The following GALNTL6 variants were observed in gnomAD, a reference collection of about 807,000 sequenced individuals.
The protein encoded by GALNTL6 is polypeptide N-acetylgalactosaminyltransferase like 6, also known as polypeptide N-acetylgalactosaminyltransferase-like 6.
In GALNTL6, 46 loss-of-function variants were observed where a neutral mutation model predicts 73.7. The observed-to-expected ratio is 0.62, with a 90% CI of 0.49 to 0.80. The LOEUF is 0.80. Among genes scored for constraint, GALNTL6 ranks in the 30% least tolerant of loss-of-function variants. The pLI is 0.00. For synonymous variants in GALNTL6, 259 were observed against 263.7 expected (o/e 0.98, Z 0.17); for missense variants, 604 against 755.0 (o/e 0.80, Z 2.34).
In GALNTL6 at chr4:172,311,683, A is replaced by G; in HGVS notation, c.317A>G (p.Asn106Ser). ...CATGATGACTCAGCTTACAGGGAAA[A>G]TGGTTTTAATATTTTCGTCAGCAAC... ...EDHDDSAYRE[N>S]GFNIFVSNNI... The change falls in exon 4 of 13, where the codon AAT becomes AGT. Residue 106 changes from asparagine (N) to serine (S), a missense_variant. Physicochemically the swap from Asn to Ser is conservative, Grantham distance 46. Coordinates refer to ENST00000506823, the MANE Select transcript of GALNTL6 (RefSeq NM_001034845.3). The G allele has an allele frequency of 6.2e-7, 1 of 1,611,956 alleles. No homozygotes were observed. The highest frequency in any genetic ancestry group is 8.5e-7 in the Non-Finnish European group (1 of 1,178,584).
intron 2 of GALNTL6, among the ~76,000 whole-genome samples, chr4:172,182,153 T>A (rs549955122): frequency 1.3e-5 from 2 of 152,296 alleles, no homozygotes; most frequent in South Asian, 2.1e-4. Flanking sequence ...TGAACTCCCA[T>A]TCACAATTTC....
chr4:172,580,920 C>T (rs985404034), intron 5 of GALNTL6, among the ~76,000 whole-genome samples: 4 of 152,162 alleles, frequency 2.6e-5, no homozygotes, highest in Non-Finnish European at 5.9e-5. Context: ...TGCCACCACA[C>T]CCGGCTAATT....
At chr4:172,524,778 C>T (rs1346287081) in intron 5 of GALNTL6, among the ~76,000 whole-genome samples, 3 of 152,154 alleles carry the variant, frequency 2.0e-5, no homozygotes, top group Non-Finnish European at 4.4e-5. Flanking sequence ...AAATAAAGTT[C>T]TAAAATTGCA....
intron 4 of GALNTL6, among the ~76,000 whole-genome samples, chr4:172,339,918 A>G (rs896778057): frequency 5.3e-5 from 8 of 152,058 alleles, no homozygotes; most frequent in African/African-American, 1.7e-4. Flanking sequence ...AGTTCACAGC[A>G]TTGATCTTTA....
intron 2 of GALNTL6, among the ~76,000 whole-genome samples, chr4:172,146,001 T>C (rs1409328655): frequency 6.6e-6 from 1 of 152,192 alleles, no homozygotes; most frequent in East Asian, 1.9e-4. Context: ...AGAATCATTT[T>C]AAACAAGGTC....
Position 172,337,298 on chromosome 4 carries a change from G to A in GALNTL6, c.387-11225G>A, listed in dbSNP as rs200817462. ...ACCATGTACATTCAAGGTTAATGAT[G>A]ATATGTGAGGTTTTAATTCTATTGT... On this transcript the variant is annotated intron_variant, in intron 4 of 12. Coordinates refer to ENST00000506823, the MANE Select transcript of GALNTL6 (RefSeq NM_001034845.3). Among the ~76,000 whole-genome samples the A allele has an allele frequency of 8.1e-4, 123 of 152,162 alleles. 2 individuals are homozygous for A. In the South Asian group the frequency reaches 0.016, roughly 20 times the overall value.
chr4:172,633,024 C>A (rs546329593), intron 5 of GALNTL6, among the ~76,000 whole-genome samples: 1 of 152,168 alleles, frequency 6.6e-6, no homozygotes, highest in Non-Finnish European at 1.5e-5. Flanking sequence ...TCATAGGATG[C>A]GTGGAAATGC....
chr4:172,519,097 T>TACAC lies in GALNTL6; in HGVS notation c.553+170422_553+170425dup, dbSNP rs138699256. On this transcript the variant is annotated intron_variant, in intron 5 of 12. Transcript: ENST00000506823. ...ATGTATTTTAGAACTTATATGTATA[T>TACAC]ACACACACACACACACATACACCCA... 9.5e-3 allele frequency among the ~76,000 whole-genome samples: 1,411 copies of TACAC among 149,062 alleles called. 24 individuals are homozygous for TACAC. The highest frequency in any genetic ancestry group is 0.031 in the African/African-American group (1,274 of 40,854).
intron 2 of GALNTL6, among the ~76,000 whole-genome samples, chr4:172,051,320 G>C (rs563016242): frequency 6.6e-6 from 1 of 152,136 alleles, no homozygotes; most frequent in Admixed American, 6.5e-5. Flanking sequence ...TTTTAGCTTT[G>C]CTGTCCACAG....
intron 3 of GALNTL6, among the ~76,000 whole-genome samples, chr4:172,246,821 T>G (rs1291283576): frequency 6.7e-6 from 1 of 148,776 alleles, no homozygotes; most frequent in Non-Finnish European, 1.5e-5. Flanking sequence ...TATATATGTA[T>G]ATATATATAA....
At chr4:172,716,144 G>A (rs1410296482) in intron 5 of GALNTL6, among the ~76,000 whole-genome samples, 1 of 152,122 alleles carries the variant, frequency 6.6e-6, no homozygotes, top group African/African-American at 2.4e-5. Context: ...AATTGGGAGA[G>A]GTGCTGGTGG....
At chr4:172,251,262 C>T (rs62331135) in intron 3 of GALNTL6, among the ~76,000 whole-genome samples, 51,933 of 151,780 alleles carry the variant, frequency 0.34, 8,938 homozygotes, top group Non-Finnish European at 0.37. Flanking sequence ...TTAAAGCCTT[C>T]GACTGCTTAA....
intron 2 of GALNTL6, among the ~76,000 whole-genome samples, chr4:171,939,369 G>T (rs1233421905): frequency 6.6e-6 from 1 of 151,646 alleles, no homozygotes; most frequent in African/African-American, 2.4e-5. Context: ...CTATTCTTGG[G>T]TATTAGATAA....
intron 2 of GALNTL6, among the ~76,000 whole-genome samples, chr4:172,064,217 GC>G (rs1156762842): frequency 6.6e-6 from 1 of 152,076 alleles, no homozygotes; most frequent in Non-Finnish European, 1.5e-5. Flanking sequence ...TAATTGCATT[GC>G]CCTCAATTGA....
chr4:171,899,077 T>TATTTAGTATTTATTAATACTAAATAAAA (rs11271647), intron 2 of GALNTL6, among the ~76,000 whole-genome samples: 72,202 of 144,936 alleles, frequency 0.5, 18,496 homozygotes, highest in Middle Eastern at 0.65. Context: ...GTATTACTTT[T>TATTTAGTATTTATTAATACTAAATAAAA]ATTTAGTATT....
chr4:172,913,219 A>G (rs1403727895), intron 8 of GALNTL6, among the ~76,000 whole-genome samples: 2 of 152,220 alleles, frequency 1.3e-5, no homozygotes, highest in Non-Finnish European at 2.9e-5. Flanking sequence ...CATCCACACC[A>G]AAATCCCATC....
chr4:172,790,816 T>A (rs1410890906), intron 5 of GALNTL6, among the ~76,000 whole-genome samples: 2 of 145,130 alleles, frequency 1.4e-5, no homozygotes, highest in African/African-American at 2.6e-5. Flanking sequence ...TTGCTTGAAC[T>A]GGGACCTGGG....
intron 5 of GALNTL6, among the ~76,000 whole-genome samples, chr4:172,590,881 T>C (rs1339750745): frequency 6.6e-6 from 1 of 152,156 alleles, no homozygotes; most frequent in East Asian, 1.9e-4. Flanking sequence ...GTGCATGATA[T>C]GTGTATGGGG....
intron 5 of GALNTL6, among the ~76,000 whole-genome samples, chr4:172,735,040 A>G (rs1373011568): frequency 6.6e-6 from 1 of 152,214 alleles, no homozygotes; most frequent in African/African-American, 2.4e-5. Context: ...CAGAAGGGAA[A>G]TGTGGGGTTG....
Sources: gnomAD v4.1 joint callset for allele counts (sites outside exome capture counted in the v4.1 genomes callset) on GRCh38, gnomAD v4.1.1 for gene constraint, MANE v1.5 for transcripts, NCBI Gene and HGNC (gene_info 2026-07-23, HGNC 2026-07-21) for gene names.